CHRNA3: variants seen among roughly 807,000 people sequenced by gnomAD.
CHRNA3 encodes neuronal acetylcholine receptor subunit alpha-3.
In CHRNA3, 34 loss-of-function variants were observed where a neutral mutation model predicts 41.9. The observed-to-expected ratio is 0.81, with a 90% CI of 0.62 to 1.08. CHRNA3 has a LOEUF of 1.08. Among genes scored for constraint, CHRNA3 ranks in the 50% least tolerant of loss-of-function variants. The pLI, the probability that CHRNA3 is intolerant of heterozygous loss-of-function variation, is 0.00. For missense variants in CHRNA3, 542 were observed against 638.3 expected, an observed-to-expected ratio of 0.85 and a Z score of 1.63; for synonymous variants, 281 against 265.2, an observed-to-expected ratio of 1.06 and a Z score of -0.58.
intron 4 of CHRNA3, among the ~76,000 whole-genome samples, chr15:78,611,948 A>G (rs1020482135): frequency 1.2e-4 from 18 of 152,332 alleles, no homozygotes; most frequent in Non-Finnish European, 2.4e-4. Context: ...CCAAATCATG[A>G]GTGAACTACC....
chr15:78,609,474 A>C (rs1182772148), intron 4 of CHRNA3, among the ~76,000 whole-genome samples: 1 of 152,206 alleles, frequency 6.6e-6, no homozygotes, highest in Non-Finnish European at 1.5e-5. Context: ...TATCCAGCCA[A>C]ACTAAGCTTC....
intron 3 of CHRNA3, 34 bp downstream of exon 3, chr15:78,618,582 CA>C (rs749342259): frequency 5.0e-6 from 8 of 1,613,368 alleles, no homozygotes; most frequent in Non-Finnish European, 6.8e-6. Context: ...CAGTCACCAC[CA>C]GGGGGCAGCA....
Position 78,596,149 on chromosome 15 carries a change from G to T in CHRNA3, c.*455C>A. 1.0e-6 allele frequency: 1 copy of T among 985,588 alleles called. No individual in the cohort carries two copies. The highest frequency in any genetic ancestry group is 1.2e-6 in the Non-Finnish European group (1 of 830,128). 61.1% of individuals were successfully genotyped at this position (985,588 alleles called of 1,614,324 possible). ...ACCCAGTAAAGAACGAGAAATGCAT[G>T]GTAAGAAATGGGTAACGATGGGGGA... On this transcript the variant is annotated 3_prime_UTR_variant, in exon 6 of 6. Transcript: ENST00000326828.
At chr15:78,599,875 T>C (rs2053170635) in intron 5 of CHRNA3, 1 of 141,412 alleles carries the variant, frequency 7.1e-6, no homozygotes, top group South Asian at 2.4e-4. Context: ...AAATTAGGCA[T>C]GGTAGCGGGC....
intron 3 of CHRNA3, among the ~76,000 whole-genome samples, chr15:78,617,978 G>A (rs1370274710): frequency 6.6e-6 from 1 of 152,224 alleles, no homozygotes; most frequent in Non-Finnish European, 1.5e-5. Flanking sequence ...TGTGCACAGT[G>A]GCTTCTGCCT....
intron 5 of CHRNA3, among the ~76,000 whole-genome samples, chr15:78,599,593 G>C (rs1005304158): frequency 6.6e-6 from 1 of 151,368 alleles, no homozygotes; most frequent in Admixed American, 6.6e-5. Context: ...AAAGGGAAGT[G>C]CAGAGAACTG....
downstream of CHRNA3, chr15:78,594,792 C>T (rs1168296717): frequency 6.6e-6 from 1 of 152,182 alleles, no homozygotes; most frequent in Admixed American, 6.5e-5. Flanking sequence ...AGTTTTCTCT[C>T]CTTCATTCTA....
At position 78,620,871 on chromosome 15, in the gene CHRNA3, G is replaced by T. The variant is rs1439448323; in HGVS notation, c.-77C>A. 29 of 1,315,922 alleles carry T rather than the reference G, an allele frequency of 2.2e-5. 1 individual carries two copies. In the East Asian group the frequency reaches 6.4e-4, roughly 29 times the overall value. The allele number at this position is 1,315,922 out of a possible 1,614,324, so 81.5% of individuals were successfully genotyped here. A position where few individuals can be genotyped will look rare whatever the true frequency, so the allele number is the denominator to read the frequency against. ...GGTCGCAGAGACGGCCTCTCCCCGC[G>T]CGGCTCCAGCGCAGACCCCAGACCT... On this transcript the variant is annotated 5_prime_UTR_variant, in exon 1 of 6. Coordinates refer to ENST00000326828, the MANE Select transcript of CHRNA3 (RefSeq NM_000743.5).
chr15:78,619,528 C>T (rs1281027791), intron 1 of CHRNA3, among the ~76,000 whole-genome samples: 1 of 152,018 alleles, frequency 6.6e-6, no homozygotes, highest in Non-Finnish European at 1.5e-5. Context: ...GAGAACACAG[C>T]CCAGGTCTGG....
At position 78,596,735 on chromosome 15, in the gene CHRNA3, G is replaced by A. The variant is rs1567070968; in HGVS notation, c.1390-3C>T. 2.5e-6 allele frequency: 4 copies of A among 1,593,442 alleles called. No homozygotes were observed. The highest frequency in any genetic ancestry group is 2.2e-5 in the East Asian group (1 of 44,558). ...ACATACTTCCAATCATCTTGAATCTGCAAAACAAAATGATAAAAGAAAAAA... is the reference window on the plus strand; with the variant it reads ...ACATACTTCCAATCATCTTGAATCTACAAAACAAAATGATAAAAGAAAAAA... On this transcript the variant is annotated splice_polypyrimidine_tract_variant and splice_region_variant and intron_variant, in intron 5 of 5. Transcript: ENST00000326828.
downstream of CHRNA3, chr15:78,595,292 CAT>C (rs2053084522): frequency 1.0e-6 from 1 of 985,220 alleles, no homozygotes; most frequent in African/African-American, 1.7e-5. Context: ...CTTATTGAAA[CAT>C]GAGTCACAGC....
downstream of CHRNA3, chr15:78,594,883 T>C (rs1158582245): frequency 1.3e-5 from 2 of 152,340 alleles, no homozygotes; most frequent in Non-Finnish European, 1.5e-5. Context: ...ACAGCGTAAA[T>C]GATTTAGTAC....
Position 78,596,277 on chromosome 15 carries a change from G to A in CHRNA3, c.*327C>T. On this transcript the variant is annotated 3_prime_UTR_variant, in exon 6 of 6. Coordinates refer to ENST00000326828, the MANE Select transcript of CHRNA3 (RefSeq NM_000743.5). ...GAATGACTTTTCATATTTCTGAACAGCATTTTTCTATCCAGTTTTGTTTCA... is the reference window on the plus strand; with the variant it reads ...GAATGACTTTTCATATTTCTGAACAACATTTTTCTATCCAGTTTTGTTTCA... 2 of 999,124 alleles carry A rather than the reference G, an allele frequency of 2.0e-6. No individual in the cohort carries two copies. Among genetic ancestry groups the A allele is most frequent in the Non-Finnish European group, 2.4e-6 (2 of 839,196 alleles). The allele number at this position is 999,124 out of a possible 1,614,324, so 61.9% of individuals were successfully genotyped here.
At chr15:78,617,823 A>AT (rs1324308484) in intron 3 of CHRNA3, among the ~76,000 whole-genome samples, 16 of 152,184 alleles carry the variant, frequency 1.1e-4, no homozygotes, top group African/African-American at 3.1e-4. Context: ...ATGGGCCATT[A>AT]TGTCTCCTGG....
intron 1 of CHRNA3, chr15:78,620,144 G>C (rs995844269): frequency 2.6e-5 from 4 of 152,472 alleles, no homozygotes; most frequent in East Asian, 3.8e-4. Context: ...AGGAAGACAG[G>C]AGGCGCTCTC....
intron 4 of CHRNA3, 77 bp downstream of exon 4, chr15:78,616,947 G>A: frequency 1.0e-6 from 1 of 971,818 alleles, no homozygotes; most frequent in Non-Finnish European, 1.6e-6. Flanking sequence ...GGAAGGCCAG[G>A]TTTTAAGCAC....
intron 4 of CHRNA3, among the ~76,000 whole-genome samples, chr15:78,602,772 A>AT (rs2053226127): frequency 6.6e-6 from 1 of 152,158 alleles, no homozygotes; most frequent in Non-Finnish European, 1.5e-5. Context: ...CACCCCCATT[A>AT]AACGGAACCT....
In CHRNA3 at chr15:78,620,687, C is replaced by T. The variant is rs71528566; in HGVS notation, c.82+26G>A. 5.1e-3 allele frequency: 7,732 copies of T among 1,502,698 alleles called. 42 individuals are homozygous for T. Among genetic ancestry groups the T allele is most frequent in the Middle Eastern group, 0.03 (141 of 4,704 alleles). 93.1% of individuals were successfully genotyped at this position (1,502,698 alleles called of 1,614,324 possible). A position where few individuals can be genotyped will look rare whatever the true frequency, so the allele number is the denominator to read the frequency against. On this transcript the variant is annotated intron_variant, in intron 1 of 5. Transcript: ENST00000326828. Reference sequence around the variant, plus strand: ...GCCCCTTCTCGGGCGCCCGTCCCTCCGGAGCCCTAACGCCTGTGCGCGTAC... The same window carrying T: ...GCCCCTTCTCGGGCGCCCGTCCCTCTGGAGCCCTAACGCCTGTGCGCGTAC...
chr15:78,594,319 A>T (rs916135480), downstream of CHRNA3: 1 of 152,162 alleles, frequency 6.6e-6, no homozygotes, highest in African/African-American at 2.4e-5. Flanking sequence ...AAATTGTGGT[A>T]GTATCTCTTT....
Sources: gnomAD v4.1 joint callset for allele counts (sites outside exome capture counted in the v4.1 genomes callset) on GRCh38, gnomAD v4.1.1 for gene constraint, MANE v1.5 for transcripts, NCBI Gene and HGNC (gene_info 2026-07-23, HGNC 2026-07-21) for gene names.